GPR89B: variants seen among roughly 807,000 people sequenced by gnomAD.
GPR89B encodes the protein golgi pH regulator B, also known as G protein-coupled receptor 89B.
Under a neutral mutation model 52.4 loss-of-function variants are expected in GPR89B, and 25 were observed. The ratio of observed to expected loss-of-function variants is 0.48; its 90% CI spans 0.35 to 0.67. GPR89B has a LOEUF of 0.67. GPR89B is among the 30% of genes least tolerant of loss of function. GPR89B has a pLI of 0.01. For missense variants in GPR89B, 146 were observed against 450.2 expected (o/e 0.32, Z 6.11); for synonymous variants, 52 against 151.2 (o/e 0.34, Z 4.81).
At chr1:147,963,532 A>G (rs1481420270) in intron 7 of GPR89B, among the ~76,000 whole-genome samples, 2 of 152,146 alleles carry the variant, frequency 1.3e-5, no homozygotes, top group Non-Finnish European at 2.9e-5. Context: ...AAAATAAGCA[A>G]AAATGATGAA....
At chr1:148,002,663 CA>C in the GPR89B span, among the ~76,000 whole-genome samples, 2 of 152,202 alleles carry the variant, frequency 1.3e-5, no homozygotes, top group African/African-American at 4.8e-5. Context: ...TTATACTGCT[CA>C]AAAAACAACT....
At chr1:147,968,495 T>C (rs1657193240) in intron 8 of GPR89B, 1 of 374,448 alleles carries the variant, frequency 2.7e-6, no homozygotes, top group Admixed American at 3.7e-5. Context: ...TCTAACATTA[T>C]ATTCAGATAA....
intron 3 of GPR89B, 98 bp from the exon 4 acceptor site, chr1:147,943,340 A>C: frequency 6.3e-7 from 1 of 1,585,658 alleles, no homozygotes; most frequent in Non-Finnish European, 8.6e-7. Context: ...TATATTCAAT[A>C]TTGAGTCCAA....
chr1:147,979,346 A>G (rs1182171454), intron 10 of GPR89B, among the ~76,000 whole-genome samples: 2 of 151,834 alleles, frequency 1.3e-5, no homozygotes, highest in Admixed American at 6.6e-5. Context: ...TCCTTTCCCC[A>G]TCCTTCCTTC....
At chr1:148,011,881 A>G in the GPR89B span, 2 of 151,702 alleles carry the variant, frequency 1.3e-5, no homozygotes, top group Non-Finnish European at 2.9e-5. Flanking sequence ...CCTCTTGGAC[A>G]CTCCTTCGAA....
At chr1:147,998,880 CAAA>C in the GPR89B span, among the ~76,000 whole-genome samples, 1,169 of 77,706 alleles carry the variant, frequency 0.015, 12 homozygotes, top group African/African-American at 0.05. Flanking sequence ...GACTCTGTCT[CAAA>C]AAAAAAAAAA....
the GPR89B span, chr1:148,010,985 A>G: frequency 2.6e-5 from 4 of 152,316 alleles, no homozygotes; most frequent in South Asian, 4.2e-4. Context: ...ATACAAATCT[A>G]TTTTAGAAAC....
intron 7 of GPR89B, among the ~76,000 whole-genome samples, chr1:147,961,398 A>T (rs1484013953): frequency 1.3e-5 from 2 of 152,218 alleles, no homozygotes; most frequent in Non-Finnish European, 2.9e-5. Context: ...AAAAGGCAAA[A>T]GTAAAGAGAA....
intron 7 of GPR89B, among the ~76,000 whole-genome samples, chr1:147,964,040 G>A (rs1424187539): frequency 6.6e-6 from 1 of 151,956 alleles, no homozygotes; most frequent in Admixed American, 6.6e-5. Flanking sequence ...GAGGTGGGAG[G>A]GAGGTAAGCT....
chr1:148,002,112 C>A, the GPR89B span, among the ~76,000 whole-genome samples: 1 of 146,548 alleles, frequency 6.8e-6, no homozygotes, highest in Admixed American at 6.9e-5. Context: ...AACAAAATAT[C>A]TCATAGATCT....
At chr1:147,946,534 A>C (rs1654989202) in intron 5 of GPR89B, among the ~76,000 whole-genome samples, 1 of 152,136 alleles carries the variant, frequency 6.6e-6, no homozygotes, top group Admixed American at 6.5e-5. Flanking sequence ...TATTTCAAAG[A>C]AACCCACAGA....
chr1:147,960,306 A>T (rs1228660442), intron 7 of GPR89B, among the ~76,000 whole-genome samples: 12 of 149,478 alleles, frequency 8.0e-5, no homozygotes, highest in Non-Finnish European at 1.6e-4. Context: ...CAAGATAAAA[A>T]GCAGCCAATA....
At chr1:147,983,784 C>T (rs1658446757) in intron 10 of GPR89B, among the ~76,000 whole-genome samples, 2 of 152,046 alleles carry the variant, frequency 1.3e-5, no homozygotes, top group East Asian at 3.9e-4. Flanking sequence ...CTTCAGGGAT[C>T]TAGAACTAGA....
intron 5 of GPR89B, among the ~76,000 whole-genome samples, chr1:147,950,095 G>T (rs1479889975): frequency 1.3e-5 from 2 of 151,396 alleles, no homozygotes; most frequent in Non-Finnish European, 2.9e-5. Context: ...CTCCCTCCCG[G>T]ACGGGGTGGC....
At chr1:148,000,535 T>C in the GPR89B span, among the ~76,000 whole-genome samples, 5 of 151,748 alleles carry the variant, frequency 3.3e-5, no homozygotes, top group African/African-American at 4.8e-5. Flanking sequence ...CTGCGTGACT[T>C]TAGCAAAGTG....
At chr1:147,933,363 C>T (rs587748939) in intron 1 of GPR89B, among the ~76,000 whole-genome samples, 1 of 152,010 alleles carries the variant, frequency 6.6e-6, no homozygotes, top group South Asian at 2.1e-4. Flanking sequence ...TTTCCTTATC[C>T]TCTAGTGTTT....
chr1:147,983,878 G>A (rs1256889355), intron 10 of GPR89B, among the ~76,000 whole-genome samples: 14 of 151,956 alleles, frequency 9.2e-5, no homozygotes, highest in South Asian at 6.3e-4. Context: ...ACATGCACAC[G>A]TATGTTTATT....
chr1:147,980,039 T>C (rs1482982214), intron 10 of GPR89B, among the ~76,000 whole-genome samples: 3 of 150,778 alleles, frequency 2.0e-5, no homozygotes, highest in African/African-American at 7.4e-5. Flanking sequence ...TGAGCTATTA[T>C]CACGCCGCTG....
At chr1:147,971,501 GTCTC>G (rs1177592367) in intron 10 of GPR89B, among the ~76,000 whole-genome samples, 7 of 134,518 alleles carry the variant, frequency 5.2e-5, no homozygotes, top group Non-Finnish European at 9.3e-5. Flanking sequence ...TGAAGACGGA[GTCTC>G]TCTCTGTCTC....
Sources: allele counts gnomAD v4.1 joint callset (sites outside exome capture counted in the v4.1 genomes callset), GRCh38; gene constraint gnomAD v4.1.1; transcripts MANE v1.5; gene names NCBI Gene and HGNC (gene_info 2026-07-23, HGNC 2026-07-21).